Variants in SOX13 observed in about 807,000 individuals in gnomAD.
The protein encoded by SOX13 is SRY-box transcription factor 13, also known as transcription factor SOX-13.
In SOX13, 28 loss-of-function variants were observed where a neutral mutation model predicts 71.8. The observed-to-expected ratio is 0.39, with a 90% CI of 0.29 to 0.53. SOX13 has a LOEUF of 0.53. Among genes scored for constraint, SOX13 ranks in the 20% least tolerant of loss-of-function variants. The probability of loss-of-function intolerance (pLI) is 0.70; values close to 1 mark genes in which losing one functional copy is unlikely to be tolerated. For synonymous variants in SOX13, 309 were observed against 317.8 expected, an observed-to-expected ratio of 0.97 and a Z score of 0.29; for missense variants, 627 against 810.3, an observed-to-expected ratio of 0.77 and a Z score of 2.75.
Position 204,125,905 on chromosome 1 carries a change from C to T in SOX13, c.1640C>T (p.Pro547Leu). The change falls in exon 14 of 14, where the codon CCT becomes CTT. Residue 547 changes from proline to leucine, a missense_variant. Transcript: ENST00000367204. ...ATGAGCTCCTCAGATGTCCTGTACC[C>T]TCGGGCAGCAGGCATGCCGCTGGCA... Reference protein sequence around the residue: ...VQMSSSDVLYPRAAGMPLAQP... With the variant: ...VQMSSSDVLYLRAAGMPLAQP... 6.2e-7 allele frequency: 1 copy of T among 1,613,162 alleles called. No individual in the cohort carries two copies. Among genetic ancestry groups the T allele is most frequent in the Non-Finnish European group, 8.5e-7 (1 of 1,179,716 alleles).
chr1:204,074,001 A>G (rs1655729686), intron 1 of SOX13: 1 of 135,826 alleles, frequency 7.4e-6, no homozygotes, highest in Non-Finnish European at 1.6e-5. Context: ...GTGTGTGTGT[A>G]CGCGCGCGCG....
intron 1 of SOX13, among the ~76,000 whole-genome samples, chr1:204,090,491 C>T (rs916040720): frequency 1.3e-5 from 2 of 151,196 alleles, no homozygotes; most frequent in Admixed American, 6.6e-5. Flanking sequence ...TCACTGCAAC[C>T]TCCGCCTCCA....
In SOX13 at chr1:204,127,069, G is replaced by A; in HGVS notation, c.*935G>A. ...ACTCCCTCCCTGGCTCTGCCAGTCG[G>A]TTCCCACGGAGCCATTTTTAGCTCT... is the stretch of plus-strand genomic sequence containing the variant. On this transcript the variant is annotated 3_prime_UTR_variant, in exon 14 of 14. Coordinates refer to ENST00000367204, the MANE Select transcript of SOX13 (RefSeq NM_005686.3). The A allele has an allele frequency of 6.6e-6, 1 of 152,252 alleles. No individual in the cohort carries two copies. Among genetic ancestry groups the A allele is most frequent in the Non-Finnish European group, 1.5e-5 (1 of 68,338 alleles). The allele number at this position is 152,252 out of a possible 1,614,324, so 9.4% of individuals were successfully genotyped here.
Position 204,123,665 on chromosome 1 carries a change from C to T in SOX13, c.1236C>T (p.Ser412=), listed in dbSNP as rs200550614. ...GACTTCACTCCTGTCTCCCAGGCTC[C>T]CGCCACTTCCCCGAGTCCCGAAACA... ...EAMLSCDMDG[S]RHFPESRNSS... The change falls in exon 12 of 14, where the codon TCC becomes TCT. Residue 412 remains serine, a synonymous_variant. Transcript: ENST00000367204. This position sits in a 1 kb window ranked among gnomAD's most constrained non-coding sequence, Gnocchi z 5.0. 17 of 1,613,652 alleles carry T rather than the reference C, an allele frequency of 1.1e-5. No homozygotes were observed. Among genetic ancestry groups the T allele is most frequent in the Admixed American group, 3.3e-5 (2 of 59,974 alleles).
At chr1:204,103,129 T>C (rs1353153661) in intron 1 of SOX13, among the ~76,000 whole-genome samples, 1 of 152,274 alleles carries the variant, frequency 6.6e-6, no homozygotes, top group Non-Finnish European at 1.5e-5. Context: ...ACCTTATCTC[T>C]TACTCACAAA....
chr1:204,122,364 G>T lies in SOX13; in HGVS notation c.989G>T (p.Arg330Leu). The T allele has an allele frequency of 1.3e-6, 2 of 1,563,040 alleles. No homozygotes were observed. The highest frequency in any genetic ancestry group is 1.7e-6 in the Non-Finnish European group (2 of 1,153,838). The change falls in exon 9 of 14, where the codon CGG becomes CTG. Residue 330 changes from arginine (R) to leucine (L), a missense_variant. Transcript: ENST00000367204. ...CCCCCCAGCCATGGAGGCCCCACGC[G>T]GGACCTGCAGTCCAGCCCCCCGAGC... ...PRPPSHGGPT[R>L]DLQSSPPSLP...
In SOX13 at chr1:204,123,621, C is replaced by A. The variant is rs1656857351; in HGVS notation, c.1232-40C>A. 1.2e-6 allele frequency: 2 copies of A among 1,603,242 alleles called. No homozygotes were observed. Among genetic ancestry groups the A allele is most frequent in the South Asian group, 1.1e-5 (1 of 90,254 alleles). ...CTGGCCCTGGGGCACTCTCCTGACCCCAGACAGGCTGCTTGGCTGACTTCA... is the reference window on the plus strand; with the variant it reads ...CTGGCCCTGGGGCACTCTCCTGACCACAGACAGGCTGCTTGGCTGACTTCA... On this transcript the variant is annotated intron_variant, in intron 11 of 13. Transcript: ENST00000367204. This position sits in a 1 kb window ranked among gnomAD's most constrained non-coding sequence, Gnocchi z 5.0.
At chr1:204,099,066 G>A (rs1480441243) in intron 1 of SOX13, among the ~76,000 whole-genome samples, 3 of 152,220 alleles carry the variant, frequency 2.0e-5, no homozygotes, top group African/African-American at 4.8e-5. Flanking sequence ...GCCCAGCAGA[G>A]GTGGGACAGT....
At chr1:204,108,954 T>C (rs1016194887) in intron 1 of SOX13, among the ~76,000 whole-genome samples, 3 of 152,208 alleles carry the variant, frequency 2.0e-5, no homozygotes, top group Non-Finnish European at 4.4e-5. Context: ...TGTTATGTAA[T>C]TGCTGCCTTC....
intron 1 of SOX13, among the ~76,000 whole-genome samples, chr1:204,077,793 T>TTTTG (rs1247289183): frequency 6.6e-6 from 1 of 152,150 alleles, no homozygotes; most frequent in Admixed American, 6.6e-5. Context: ...CGTGAATTAC[T>TTTTG]TTTGTTTGTT....
At position 204,122,723 on chromosome 1, in the gene SOX13, C is replaced by T. The variant is rs1656834530; in HGVS notation, c.1025-131C>T. 9.4e-6 allele frequency: 6 copies of T among 638,088 alleles called. No homozygotes were observed. In the South Asian group the frequency reaches 1.2e-4, roughly 13 times the overall value. 39.5% of individuals were successfully genotyped at this position (638,088 alleles called of 1,614,324 possible). ...GCAATGCAGCCGCCCTGTGGAAGAA[C>T]AGGAGGGAACACTAACTCAGGTGCC... On this transcript the variant is annotated intron_variant, in intron 9 of 13. Coordinates refer to ENST00000367204, the MANE Select transcript of SOX13 (RefSeq NM_005686.3).
intron 1 of SOX13, among the ~76,000 whole-genome samples, chr1:204,100,646 G>A (rs1656342666): frequency 6.6e-6 from 1 of 152,148 alleles, no homozygotes; most frequent in Non-Finnish European, 1.5e-5. Flanking sequence ...GGCGGGCTTG[G>A]CTGACGATAG....
intron 1 of SOX13, among the ~76,000 whole-genome samples, chr1:204,110,356 G>A (rs1436995135): frequency 1.4e-5 from 2 of 138,594 alleles, no homozygotes; most frequent in Non-Finnish European, 3.1e-5. Flanking sequence ...GGGCAACATA[G>A]CAAGACCCTG....
intron 7 of SOX13, among the ~76,000 whole-genome samples, chr1:204,121,066 G>A (rs912209022): frequency 1.1e-4 from 16 of 149,078 alleles, no homozygotes; most frequent in African/African-American, 3.5e-4. Context: ...TGCAACCTCC[G>A]CCTCCTGGGT....
At chr1:204,094,064 G>A (rs1656200519) in intron 1 of SOX13, among the ~76,000 whole-genome samples, 1 of 152,210 alleles carries the variant, frequency 6.6e-6, no homozygotes, top group Admixed American at 6.5e-5. Flanking sequence ...GCCCCATAGT[G>A]AGTTAAAGGC....
Position 204,124,732 on chromosome 1 carries a change from T to G in SOX13, c.1467T>G (p.Pro489=). 1 of 1,612,720 alleles carries G rather than the reference T, an allele frequency of 6.2e-7. No homozygotes were observed. Among genetic ancestry groups the G allele is most frequent in the Non-Finnish European group, 8.5e-7 (1 of 1,179,478 alleles). The change falls in exon 13 of 14, where the codon CCT becomes CCG. Residue 489 remains proline, a synonymous_variant. Coordinates refer to ENST00000367204, the MANE Select transcript of SOX13 (RefSeq NM_005686.3). ...RLSRQHLEKY[P]DYKYKPRPKR... is the part of the protein sequence containing the mutation. ...GCCGGCAGCACCTGGAGAAGTATCC[T>G]GACTACAAGTACAAGCCGCGGCCCA...
intron 1 of SOX13, among the ~76,000 whole-genome samples, chr1:204,105,128 C>T (rs754366910): frequency 5.3e-5 from 8 of 152,116 alleles, no homozygotes; most frequent in South Asian, 4.1e-4. Context: ...TCCATGGAGG[C>T]GGGTGCCTCT....
At chr1:204,125,733 G>T in intron 13 of SOX13, 125 bp from the exon 14 acceptor site, 1 of 1,083,220 alleles carries the variant, frequency 9.2e-7, no homozygotes. Flanking sequence ...TGGGGGCAGG[G>T]TATATAAGTC....
chr1:204,105,076 C>T (rs1212371969), intron 1 of SOX13, among the ~76,000 whole-genome samples: 4 of 152,100 alleles, frequency 2.6e-5, no homozygotes, highest in Non-Finnish European at 4.4e-5. Flanking sequence ...GCACCTGCAG[C>T]GGGCTTTGTC....
Sources: gnomAD v4.1 joint callset for allele counts (sites outside exome capture counted in the v4.1 genomes callset) on GRCh38, gnomAD v4.1.1 for gene constraint, Gnocchi (gnomAD v3.1) non-coding constraint, MANE v1.5 for transcripts, NCBI Gene and HGNC (gene_info 2026-07-23, HGNC 2026-07-21) for gene names.